MTMR7: variants seen among roughly 807,000 people sequenced by gnomAD.
MTMR7 encodes the protein myotubularin related protein 7.
A neutral mutation model predicts 81.2 loss-of-function variants in MTMR7; 76 were observed. The ratio of observed to expected loss-of-function variants is 0.94; its 90% CI spans 0.78 to 1.13. The LOEUF is 1.13. MTMR7 is among the 50% of genes most tolerant of loss of function. MTMR7 has a pLI of 0.00. For missense variants in MTMR7, 1,044 were observed against 820.0 expected, an observed-to-expected ratio of 1.27 and a Z score of -3.34; for synonymous variants, 372 against 289.8, an observed-to-expected ratio of 1.28 and a Z score of -2.88.
At position 17,304,398 on chromosome 8, in the gene MTMR7, G is replaced by C. The variant is rs1279723170; in HGVS notation, c.1474C>G (p.Pro492Ala). 6.2e-7 allele frequency: 1 copy of C among 1,613,540 alleles called. No homozygotes were observed. Among genetic ancestry groups the C allele is most frequent in the Non-Finnish European group, 8.5e-7 (1 of 1,179,586 alleles). Reference sequence around the variant, plus strand: ...ACATACTTGTACATGAAGTTACATGGTGTTGTAGGGAGATGAAGGGTTCCC... The same window carrying C: ...ACATACTTGTACATGAAGTTACATGCTGTTGTAGGGAGATGAAGGGTTCCC... The part of the protein sequence containing the change: ...TQGTLHLPTT[P>A]CNFMYKFWSG... Residue 492 changes from proline (P) to alanine (A), a missense_variant, in exon 12 of 14, where the codon CCA becomes GCA. Transcript: ENST00000180173.
intron 1 of MTMR7, among the ~76,000 whole-genome samples, chr8:17,400,084 T>G (rs140268560): frequency 2.0e-5 from 3 of 152,130 alleles, no homozygotes; most frequent in Non-Finnish European, 2.9e-5. Context: ...TTGAGAATTA[T>G]AGATGAAGTA....
intron 1 of MTMR7, among the ~76,000 whole-genome samples, chr8:17,374,443 A>C (rs1820511932): frequency 6.6e-6 from 1 of 152,000 alleles, no homozygotes; most frequent in Non-Finnish European, 1.5e-5. Context: ...CAACATGGTG[A>C]AACCCTGTAT....
At chr8:17,306,547 G>A (rs938595667) in intron 10 of MTMR7, among the ~76,000 whole-genome samples, 5 of 152,078 alleles carry the variant, frequency 3.3e-5, no homozygotes, top group African/African-American at 9.7e-5. Context: ...CATCAGACTC[G>A]TCTTCCTCAA....
At chr8:17,318,169 G>T (rs145370534) in intron 7 of MTMR7, among the ~76,000 whole-genome samples, 2 of 152,232 alleles carry the variant, frequency 1.3e-5, no homozygotes, top group Admixed American at 1.3e-4. Flanking sequence ...CTGAAACCCT[G>T]GGCCTAGTCT....
rs1171250210 is a variant in MTMR7, at chr8:17,297,629, C to T, written c.*2233G>A. On this transcript the variant is annotated 3_prime_UTR_variant, in exon 14 of 14. Transcript: ENST00000180173. The stretch of plus-strand genomic sequence containing the variant: ...TATTACTAATTGGGAAGTAATATGC[C>T]TCAAATCAGTTTTATACTGGATTAT... 6.6e-6 allele frequency: 1 copy of T among 151,896 alleles called. No homozygotes were observed. Among genetic ancestry groups the T allele is most frequent in the Non-Finnish European group, 1.5e-5 (1 of 67,904 alleles). The allele number at this position is 151,896 out of a possible 1,614,324, so 9.4% of individuals were successfully genotyped here.
chr8:17,368,232 A>C (rs1332051783), intron 3 of MTMR7, among the ~76,000 whole-genome samples: 2 of 152,172 alleles, frequency 1.3e-5, no homozygotes, highest in East Asian at 3.9e-4. Context: ...CAGGAGGTAG[A>C]GCTCACGCTT....
At chr8:17,387,079 G>C (rs1198849053) in intron 1 of MTMR7, among the ~76,000 whole-genome samples, 1 of 152,138 alleles carries the variant, frequency 6.6e-6, no homozygotes, top group Non-Finnish European at 1.5e-5. Flanking sequence ...GGCTAAACAG[G>C]TTCCTCCTTT....
chr8:17,401,054 T>C (rs1170321287), intron 1 of MTMR7, among the ~76,000 whole-genome samples: 2 of 152,146 alleles, frequency 1.3e-5, no homozygotes, highest in African/African-American at 4.8e-5. Context: ...TAAATGCAGC[T>C]AGCTGCCAGG....
At position 17,299,685 on chromosome 8, in the gene MTMR7, G is replaced by C; in HGVS notation, c.*177C>G. The C allele has an allele frequency of 1.3e-6, 1 of 754,698 alleles. No homozygotes were observed. Among genetic ancestry groups the C allele is most frequent in the East Asian group, 2.7e-5 (1 of 36,988 alleles). The allele number at this position is 754,698 out of a possible 1,614,324, so 46.8% of individuals were successfully genotyped here. The stretch of plus-strand genomic sequence containing the variant: ...TATATTTGATAAATGAAATGACTAC[G>C]TCCTCTTCAGTATCTAAGAAATCAA... On this transcript the variant is annotated 3_prime_UTR_variant, in exon 14 of 14. Coordinates refer to ENST00000180173, the MANE Select transcript of MTMR7 (RefSeq NM_004686.5).
intron 12 of MTMR7, chr8:17,302,506 A>AT (rs1357070011): frequency 4.4e-6 from 2 of 459,726 alleles, no homozygotes; most frequent in African/African-American, 4.0e-5. Flanking sequence ...GTCTGCCTGT[A>AT]TATATGAATT....
chr8:17,335,214 C>T (rs780831533), intron 6 of MTMR7, among the ~76,000 whole-genome samples: 23 of 152,158 alleles, frequency 1.5e-4, no homozygotes, highest in South Asian at 6.2e-4. Context: ...GGACGGAGAA[C>T]GCAGGCTCCA....
Position 17,302,143 on chromosome 8 carries a change from G to A in MTMR7, c.1620+11C>T. ...CACAGAAAATAGATTAACAAAGCAAGTATGTCTTACTTCTTCCAGGGCCTC... is the reference window on the plus strand; with the variant it reads ...CACAGAAAATAGATTAACAAAGCAAATATGTCTTACTTCTTCCAGGGCCTC... On this transcript the variant is annotated intron_variant, in intron 13 of 13. Transcript: ENST00000180173. The A allele has an allele frequency of 6.2e-7, 1 of 1,613,996 alleles. No individual in the cohort carries two copies. The highest frequency in any genetic ancestry group is 8.5e-7 in the Non-Finnish European group (1 of 1,179,934).
intron 7 of MTMR7, among the ~76,000 whole-genome samples, chr8:17,330,854 G>A (rs1025380438): frequency 6.6e-6 from 1 of 152,090 alleles, no homozygotes; most frequent in African/African-American, 2.4e-5. Context: ...CCTTGAATGG[G>A]GATCAAACTA....
chr8:17,379,181 C>T (rs1271170647), intron 1 of MTMR7, among the ~76,000 whole-genome samples: 1 of 152,154 alleles, frequency 6.6e-6, no homozygotes, highest in Non-Finnish European at 1.5e-5. Context: ...CATTCAGGAA[C>T]ATGGGGGCAC....
At chr8:17,336,517 T>C (rs1819241714) in intron 6 of MTMR7, among the ~76,000 whole-genome samples, 2 of 152,076 alleles carry the variant, frequency 1.3e-5, no homozygotes, top group Non-Finnish European at 2.9e-5. Context: ...CTGACTTTCC[T>C]AGGTGACCCC....
chr8:17,401,398 T>C (rs1232933679), intron 1 of MTMR7, among the ~76,000 whole-genome samples: 2 of 151,832 alleles, frequency 1.3e-5, no homozygotes, highest in Admixed American at 1.3e-4. Flanking sequence ...AGCAGTGAGG[T>C]CCAAGAACAG....
At chr8:17,359,736 A>G (rs573989888) in intron 4 of MTMR7, among the ~76,000 whole-genome samples, 1 of 152,280 alleles carries the variant, frequency 6.6e-6, no homozygotes, top group East Asian at 1.9e-4. Flanking sequence ...AGAAATCAAG[A>G]TATGAAGATT....
intron 4 of MTMR7, among the ~76,000 whole-genome samples, chr8:17,356,902 C>T (rs1323770079): frequency 6.6e-6 from 1 of 152,048 alleles, no homozygotes; most frequent in Non-Finnish European, 1.5e-5. Flanking sequence ...CCAATATGTC[C>T]ACGCAAACAC....
chr8:17,309,649 T>G (rs972113754), intron 9 of MTMR7, among the ~76,000 whole-genome samples: 1 of 152,176 alleles, frequency 6.6e-6, no homozygotes, highest in African/African-American at 2.4e-5. Context: ...TCTCACTCTT[T>G]TAGAAGGGGA....
Sources: allele counts gnomAD v4.1 joint callset (sites outside exome capture counted in the v4.1 genomes callset), GRCh38; gene constraint gnomAD v4.1.1; transcripts MANE v1.5; gene names NCBI Gene and HGNC (gene_info 2026-07-23, HGNC 2026-07-21).